The following CNBD1 variants were observed in gnomAD, a reference collection of about 807,000 sequenced individuals.
The protein encoded by CNBD1 is cyclic nucleotide-binding domain-containing protein 1.
Under a neutral mutation model 54.4 loss-of-function variants are expected in CNBD1, and 71 were observed. The observed-to-expected ratio is 1.30, with a 90% CI of 1.08 to 1.59. CNBD1 has a LOEUF of 1.59. CNBD1 is among the 40% of genes most tolerant of loss of function. CNBD1 has a pLI of 0.00. For synonymous variants in CNBD1, 182 were observed against 170.7 expected, an observed-to-expected ratio of 1.07 and a Z score of -0.51; for missense variants, 659 against 518.0, an observed-to-expected ratio of 1.27 and a Z score of -2.64.
chr8:86,995,423 T>C (rs541952291), intron 4 of CNBD1, among the ~76,000 whole-genome samples: 17 of 152,290 alleles, frequency 1.1e-4, no homozygotes, highest in African/African-American at 4.1e-4. Context: ...ACAAAAACAG[T>C]GAGTGGCTGG....
rs58151279 is a variant in CNBD1 at position 87,205,974 on chromosome 8, A to ATTT, written c.432-6_432-4dup. ...TTTATGCCATGGTCTCTGAATTTGTATTTTTTTTTTTTTTTGAGGCCCATT... is the reference window on the plus strand; with the variant it reads ...TTTATGCCATGGTCTCTGAATTTGTATTTTTTTTTTTTTTTTTTGAGGCCCATT... On this transcript the variant is annotated intron_variant, in intron 4 of 10. Transcript: ENST00000518476. 271 of 1,281,086 alleles carry ATTT rather than the reference A, an allele frequency of 2.1e-4. No homozygotes were observed. The highest frequency in any genetic ancestry group is 1.3e-3 in the South Asian group (73 of 55,616). The allele number at this position is 1,281,086 out of a possible 1,614,324, so 79.4% of individuals were successfully genotyped here.
chr8:87,368,100 T>A (rs972065111), intron 10 of CNBD1, among the ~76,000 whole-genome samples: 1 of 151,180 alleles, frequency 6.6e-6, no homozygotes, highest in Non-Finnish European at 1.5e-5. Flanking sequence ...AGGTGGAGGT[T>A]GCAGTGAGCC....
chr8:87,170,888 C>A (rs1008550553), intron 4 of CNBD1, among the ~76,000 whole-genome samples: 3 of 152,046 alleles, frequency 2.0e-5, no homozygotes, highest in African/African-American at 7.2e-5. Flanking sequence ...GAATGATCTT[C>A]TTACGGTGTT....
chr8:87,402,308 ACAGT>A lies in CNBD1; in HGVS notation c.214-26235_214-26232del, dbSNP rs370471676. Among the ~76,000 whole-genome samples the A allele has an allele frequency of 7.3e-4, 111 of 152,168 alleles. 3 individuals are homozygous for A. The Middle Eastern group carries it at 0.027, about 37-fold the overall frequency. On this transcript the variant is annotated intron_variant, in intron 2 of 7. Transcript: ENST00000521593. The stretch of plus-strand genomic sequence containing the variant: ...GTCAAGATGAGATTTGGGTGGGGAC[ACAGT>A]CAAACAATACCAGAAGGTTTTCACG...
chr8:86,937,510 G>A (rs772542521), intron 3 of CNBD1, among the ~76,000 whole-genome samples: 6 of 152,146 alleles, frequency 3.9e-5, no homozygotes, highest in Non-Finnish European at 5.9e-5. Flanking sequence ...CTGAGACAAG[G>A]CAGGTCCCTT....
chr8:87,057,607 G>T (rs1159716066), intron 4 of CNBD1, among the ~76,000 whole-genome samples: 5 of 152,158 alleles, frequency 3.3e-5, no homozygotes, highest in African/African-American at 1.2e-4. Flanking sequence ...CCAACACTTT[G>T]GGAGGGCAAG....
At chr8:87,077,910 T>G (rs1267770812) in intron 4 of CNBD1, among the ~76,000 whole-genome samples, 1 of 152,192 alleles carries the variant, frequency 6.6e-6, no homozygotes, top group Admixed American at 6.5e-5. Flanking sequence ...TATCATGATT[T>G]ATAATCCTTT....
chr8:87,189,351 T>G (rs1003451418), intron 4 of CNBD1, among the ~76,000 whole-genome samples: 1 of 152,204 alleles, frequency 6.6e-6, no homozygotes, highest in Non-Finnish European at 1.5e-5. Context: ...TATAAACATG[T>G]AGATAAAATA....
chr8:87,173,126 G>A (rs1273311148), intron 4 of CNBD1, among the ~76,000 whole-genome samples: 1 of 151,970 alleles, frequency 6.6e-6, no homozygotes, highest in African/African-American at 2.4e-5. Flanking sequence ...ACATTGCTTG[G>A]ATAAACATAC....
intron 4 of CNBD1, among the ~76,000 whole-genome samples, chr8:87,016,119 C>T (rs958611614): frequency 1.3e-5 from 2 of 151,124 alleles, no homozygotes; most frequent in African/African-American, 4.9e-5. Context: ...AATGTAAGTG[C>T]TTATCAGATT....
At chr8:87,289,849 T>C (rs1480730694) in intron 8 of CNBD1, among the ~76,000 whole-genome samples, 1 of 152,140 alleles carries the variant, frequency 6.6e-6, no homozygotes, top group Non-Finnish European at 1.5e-5. Context: ...CTTAGTCCCA[T>C]GAGACACTCT....
rs186608318 is a variant in CNBD1, at chr8:87,240,253, T to G, written c.771+3141T>G. Among the ~76,000 whole-genome samples the G allele has an allele frequency of 2.5e-3, 387 of 152,280 alleles. 1 individual carries two copies. Among genetic ancestry groups the G allele is most frequent in the African/African-American group, 9.0e-3 (373 of 41,566 alleles). ...TAAAAGCAAATTATTAAGTTGAAGA[T>G]TCTCAATAATTATTAAAAGAACTTT... On this transcript the variant is annotated intron_variant, in intron 6 of 10. Coordinates refer to ENST00000518476, the MANE Select transcript of CNBD1 (RefSeq NM_173538.3).
At chr8:87,353,921 A>G (rs188096339) in intron 10 of CNBD1, 135 bp downstream of exon 10, 5 of 584,604 alleles carry the variant, frequency 8.6e-6, no homozygotes, top group African/African-American at 1.9e-5. Flanking sequence ...GAGTATTTGC[A>G]TAATCTCCTC....
intron 2 of CNBD1, among the ~76,000 whole-genome samples, chr8:87,406,865 T>C (rs1807662019): frequency 6.6e-6 from 1 of 152,124 alleles, no homozygotes; most frequent in African/African-American, 2.4e-5. Flanking sequence ...AGAACTAGGG[T>C]ATAAACCAGA....
chr8:87,196,347 G>A (rs1813722791), intron 4 of CNBD1, among the ~76,000 whole-genome samples: 1 of 152,170 alleles, frequency 6.6e-6, no homozygotes, highest in East Asian at 1.9e-4. Flanking sequence ...GCAGATTAGA[G>A]ATTGTTAGAA....
intron 8 of CNBD1, among the ~76,000 whole-genome samples, chr8:87,301,497 C>T (rs1585994540): frequency 6.6e-6 from 1 of 152,050 alleles, no homozygotes; most frequent in Admixed American, 6.6e-5. Flanking sequence ...GATAATCTGC[C>T]ATGATAACGT....
chr8:87,355,842 A>C (rs1300299167), intron 10 of CNBD1, among the ~76,000 whole-genome samples: 2 of 152,142 alleles, frequency 1.3e-5, no homozygotes, highest in East Asian at 3.9e-4. Context: ...GTCATCCTCA[A>C]TGTTGGAGCT....
At chr8:87,137,389 G>C (rs1169918264) in intron 4 of CNBD1, among the ~76,000 whole-genome samples, 1 of 150,854 alleles carries the variant, frequency 6.6e-6, no homozygotes, top group Non-Finnish European at 1.5e-5. Context: ...TTTTTTAGTA[G>C]AGATGGGTTT....
chr8:87,175,693 G>A (rs1331724962), intron 4 of CNBD1, among the ~76,000 whole-genome samples: 1 of 152,188 alleles, frequency 6.6e-6, no homozygotes, highest in Non-Finnish European at 1.5e-5. Flanking sequence ...GCCTGGGGTT[G>A]GCCATAGCAG....
Sources: gnomAD v4.1 joint callset for allele counts (sites outside exome capture counted in the v4.1 genomes callset) on GRCh38, gnomAD v4.1.1 for gene constraint, MANE v1.5 for transcripts, NCBI Gene and HGNC (gene_info 2026-07-23, HGNC 2026-07-21) for gene names.